ZMAT4: variants seen among roughly 807,000 people sequenced by gnomAD.
ZMAT4 encodes the protein zinc finger matrin-type 4, also known as zinc finger matrin-type protein 4.
Under a neutral mutation model 28.7 loss-of-function variants are expected in ZMAT4, and 17 were observed. That is an observed-to-expected ratio of 0.59 (90% CI 0.41 to 0.89). The LOEUF is 0.89. ZMAT4 is among the 40% of genes least tolerant of loss of function. The pLI is 0.00. For missense variants in ZMAT4, 240 were observed against 283.8 expected, an observed-to-expected ratio of 0.85 and a Z score of 1.11; for synonymous variants, 117 against 109.2, an observed-to-expected ratio of 1.07 and a Z score of -0.44.
chr8:40,874,483 G>A (rs1307350419), intron 1 of ZMAT4, among the ~76,000 whole-genome samples: 1 of 152,182 alleles, frequency 6.6e-6, no homozygotes, highest in African/African-American at 2.4e-5. Flanking sequence ...CTTCCCCAAT[G>A]GAATGATCCA....
intron 4 of ZMAT4, among the ~76,000 whole-genome samples, chr8:40,676,622 G>C (rs543192061): frequency 3.3e-5 from 5 of 152,182 alleles, no homozygotes; most frequent in African/African-American, 1.2e-4. Flanking sequence ...ACAAATACTT[G>C]TTAAGTGACA....
At chr8:40,813,272 G>A (rs1020448858) in intron 2 of ZMAT4, among the ~76,000 whole-genome samples, 1 of 152,120 alleles carries the variant, frequency 6.6e-6, no homozygotes, top group African/African-American at 2.4e-5. Context: ...TTGCCCATGA[G>A]GGCATAGGGA....
intron 3 of ZMAT4, among the ~76,000 whole-genome samples, chr8:40,700,720 G>A (rs1810107589): frequency 6.6e-6 from 1 of 152,060 alleles, no homozygotes; most frequent in South Asian, 2.1e-4. Flanking sequence ...CACTGTACCA[G>A]CCTGAAACTC....
At chr8:40,600,011 G>A (rs1805244225) in intron 5 of ZMAT4, among the ~76,000 whole-genome samples, 1 of 152,186 alleles carries the variant, frequency 6.6e-6, no homozygotes, top group African/African-American at 2.4e-5. Flanking sequence ...TGCCATGCTT[G>A]CATGTCCCTG....
intron 6 of ZMAT4, among the ~76,000 whole-genome samples, chr8:40,576,057 C>T (rs1211563801): frequency 6.6e-6 from 1 of 151,680 alleles, no homozygotes; most frequent in Non-Finnish European, 1.5e-5. Context: ...CAGACTAGCT[C>T]AAGCAGAAGA....
At chr8:40,660,644 A>G (rs1808145925) in intron 5 of ZMAT4, among the ~76,000 whole-genome samples, 1 of 152,176 alleles carries the variant, frequency 6.6e-6, no homozygotes, top group Non-Finnish European at 1.5e-5. Context: ...CTGGGTATAG[A>G]GTCATACAAA....
intron 3 of ZMAT4, among the ~76,000 whole-genome samples, chr8:40,766,397 C>T (rs1813161354): frequency 1.3e-5 from 2 of 152,118 alleles, no homozygotes; most frequent in South Asian, 4.1e-4. Flanking sequence ...TAATGTTCAC[C>T]ATAGTCCAGT....
chr8:40,642,959 T>C (rs1306349733), intron 5 of ZMAT4, among the ~76,000 whole-genome samples: 1 of 152,356 alleles, frequency 6.6e-6, no homozygotes, highest in African/African-American at 2.4e-5. Context: ...AGTCAAACCT[T>C]ATCTACTTGT....
rs1813315260 is a variant in ZMAT4 at position 40,769,794 on chromosome 8, T to C, written c.103-2064A>G. On this transcript the variant is annotated intron_variant, in intron 2 of 6. Coordinates refer to ENST00000297737, the MANE Select transcript of ZMAT4 (RefSeq NM_024645.3). ...CGGCCTGGTTTGTGGCTGTTTTTTT[T>C]TTTTCCTCTTAATCTAAAGTATTCC... Among the ~76,000 whole-genome samples the C allele has an allele frequency of 1.3e-5, 2 of 151,952 alleles. 1 individual carries two copies. The highest frequency in any genetic ancestry group is 4.2e-4 in the South Asian group (2 of 4,818).
chr8:40,781,279 A>T (rs1423547933), intron 2 of ZMAT4, among the ~76,000 whole-genome samples: 1 of 152,196 alleles, frequency 6.6e-6, no homozygotes, highest in Non-Finnish European at 1.5e-5. Context: ...AATAGCATAA[A>T]AAAAAACTAC....
At chr8:40,548,675 T>C (rs1210568418) in intron 6 of ZMAT4, among the ~76,000 whole-genome samples, 1 of 152,148 alleles carries the variant, frequency 6.6e-6, no homozygotes, top group Non-Finnish European at 1.5e-5. Context: ...GAACAATGTG[T>C]GCAGATTCAC....
intron 3 of ZMAT4, among the ~76,000 whole-genome samples, chr8:40,705,199 T>G (rs997477206): frequency 1.3e-5 from 2 of 152,184 alleles, no homozygotes; most frequent in Non-Finnish European, 2.9e-5. Context: ...TGAAGAAATA[T>G]TTAAACAGAT....
chr8:40,795,344 G>A (rs1443611374), intron 2 of ZMAT4, among the ~76,000 whole-genome samples: 1 of 152,128 alleles, frequency 6.6e-6, no homozygotes, highest in Admixed American at 6.5e-5. Context: ...ACCTCACGAG[G>A]TCTGTCCATC....
At chr8:40,602,339 T>A (rs1267858535) in intron 5 of ZMAT4, among the ~76,000 whole-genome samples, 1 of 152,192 alleles carries the variant, frequency 6.6e-6, no homozygotes, top group African/African-American at 2.4e-5. Flanking sequence ...TGTGCAAGAA[T>A]CTTTTTCGTA....
At chr8:40,862,427 G>A (rs1461257613) in intron 1 of ZMAT4, among the ~76,000 whole-genome samples, 209 of 120,850 alleles carry the variant, frequency 1.7e-3, no homozygotes, top group African/African-American at 6.1e-3. Flanking sequence ...TGGTGGGGTC[G>A]GGGGAGGGGG....
chr8:40,788,135 A>C (rs535167737), intron 2 of ZMAT4, among the ~76,000 whole-genome samples: 39 of 152,334 alleles, frequency 2.6e-4, no homozygotes, highest in Admixed American at 6.5e-4. Context: ...GAGAAAAGAC[A>C]CTAATCATGA....
At chr8:40,893,057 T>C (rs1375134819) in intron 1 of ZMAT4, among the ~76,000 whole-genome samples, 3 of 152,228 alleles carry the variant, frequency 2.0e-5, no homozygotes, top group Non-Finnish European at 4.4e-5. Flanking sequence ...TGCTGCAATT[T>C]CTGTCTATTT....
intron 5 of ZMAT4, among the ~76,000 whole-genome samples, chr8:40,652,432 AAC>A (rs1807713318): frequency 1.1e-5 from 1 of 93,872 alleles, no homozygotes. Flanking sequence ...GTCAGGAAAC[AAC>A]AGGTGCTGGA....
At chr8:40,544,807 A>G (rs555912159) in intron 6 of ZMAT4, among the ~76,000 whole-genome samples, 4 of 152,302 alleles carry the variant, frequency 2.6e-5, no homozygotes, top group African/African-American at 7.2e-5. Context: ...GTTTTCATGA[A>G]AAAGGATGAC....
Sources: gnomAD v4.1 joint callset for allele counts (sites outside exome capture counted in the v4.1 genomes callset) on GRCh38, gnomAD v4.1.1 for gene constraint, MANE v1.5 for transcripts, NCBI Gene and HGNC (gene_info 2026-07-23, HGNC 2026-07-21) for gene names.